FAF1: variants seen among roughly 807,000 people sequenced by gnomAD.
FAF1 encodes the protein FAS-associated factor 1.
FAF1 carries 25 observed loss-of-function variants against 92.5 expected under a neutral mutation model. The ratio of observed to expected loss-of-function variants is 0.27; its 90% CI spans 0.20 to 0.38. FAF1 has a LOEUF of 0.38. FAF1 is among the 10% of genes least tolerant of loss of function. The pLI is 1.00. For missense variants in FAF1, 636 were observed against 793.3 expected (o/e 0.80, Z 2.38); for synonymous variants, 234 against 273.2 (o/e 0.86, Z 1.42).
At chr1:50,500,134 C>G (rs1557971033) in intron 15 of FAF1, among the ~76,000 whole-genome samples, 1 of 151,952 alleles carries the variant, frequency 6.6e-6, no homozygotes, top group Non-Finnish European at 1.5e-5. Context: ...AAAATACCAC[C>G]AAAAATTTTT....
chr1:50,660,466 C>T (rs994312774), intron 7 of FAF1, among the ~76,000 whole-genome samples: 1 of 151,248 alleles, frequency 6.6e-6, no homozygotes, highest in African/African-American at 2.4e-5. Context: ...TAAGGTGTTG[C>T]GGCATACCTC....
chr1:50,518,148 G>A (rs1054643294), intron 15 of FAF1, among the ~76,000 whole-genome samples: 8 of 152,042 alleles, frequency 5.3e-5, no homozygotes, highest in East Asian at 1.9e-4. Context: ...TCTAGCAGCC[G>A]CTGACCAGTT....
intron 8 of FAF1, among the ~76,000 whole-genome samples, chr1:50,632,752 G>T (rs537668616): frequency 5.9e-5 from 9 of 152,182 alleles, no homozygotes; most frequent in Non-Finnish European, 7.4e-5. Flanking sequence ...CTCTCAAGGT[G>T]TCCCACACTT....
chr1:50,553,658 G>A (rs952388342), intron 13 of FAF1, among the ~76,000 whole-genome samples: 1 of 152,096 alleles, frequency 6.6e-6, no homozygotes, highest in Admixed American at 6.5e-5. Context: ...CTTTAGAAGG[G>A]GCTGGGTCTA....
chr1:50,687,201 T>C (rs1199674555), intron 7 of FAF1, among the ~76,000 whole-genome samples: 1 of 152,172 alleles, frequency 6.6e-6, no homozygotes, highest in Non-Finnish European at 1.5e-5. Context: ...TTCGGAATAA[T>C]TTTTTATTTT....
intron 1 of FAF1, among the ~76,000 whole-genome samples, chr1:50,879,682 A>G (rs1053907150): frequency 2.0e-5 from 3 of 152,162 alleles, no homozygotes; most frequent in African/African-American, 7.2e-5. Context: ...TGTGGTTCTC[A>G]AAGTGTTGTT....
intron 7 of FAF1, among the ~76,000 whole-genome samples, chr1:50,663,707 G>A (rs1241212361): frequency 6.6e-6 from 1 of 151,448 alleles, no homozygotes; most frequent in African/African-American, 2.4e-5. Context: ...CCGGCCAGAA[G>A]CACCGCTTTA....
chr1:50,818,823 C>T (rs1364697593), intron 2 of FAF1, among the ~76,000 whole-genome samples: 1 of 151,370 alleles, frequency 6.6e-6, no homozygotes, highest in Non-Finnish European at 1.5e-5. Flanking sequence ...GGCGACAGAG[C>T]GAGACTCCAT....
chr1:50,510,745 C>T (rs1024494996), intron 15 of FAF1, among the ~76,000 whole-genome samples: 4 of 151,894 alleles, frequency 2.6e-5, no homozygotes, highest in Non-Finnish European at 5.9e-5. Flanking sequence ...TTCTGAAATA[C>T]CAAATTTCAA....
intron 13 of FAF1, among the ~76,000 whole-genome samples, chr1:50,543,688 T>A (rs1648864224): frequency 6.6e-6 from 1 of 152,138 alleles, no homozygotes; most frequent in East Asian, 1.9e-4. Flanking sequence ...AGGCCAGCTC[T>A]ATGAGACTTT....
chr1:50,744,250 TA>T (rs762523606), intron 5 of FAF1, among the ~76,000 whole-genome samples: 25 of 152,206 alleles, frequency 1.6e-4, no homozygotes, highest in African/African-American at 5.5e-4. Flanking sequence ...TCTCCAAGTT[TA>T]AAAAATTTCC....
intron 1 of FAF1, among the ~76,000 whole-genome samples, chr1:50,865,492 G>A (rs1338248277): frequency 1.0e-4 from 15 of 144,276 alleles, no homozygotes; most frequent in Non-Finnish European, 2.3e-4. Context: ...TATACACCGT[G>A]GAATACTATG....
intron 6 of FAF1, among the ~76,000 whole-genome samples, chr1:50,724,318 C>T (rs1427035742): frequency 1.3e-5 from 2 of 150,374 alleles, no homozygotes; most frequent in East Asian, 1.9e-4. Context: ...CACACACACA[C>T]ACACACACAC....
At chr1:50,527,046 A>G (rs1367711689) in intron 15 of FAF1, among the ~76,000 whole-genome samples, 2 of 151,916 alleles carry the variant, frequency 1.3e-5, no homozygotes, top group East Asian at 3.9e-4. Flanking sequence ...AAGTAGAGAC[A>G]GGGTTTCGCT....
At position 50,584,828 on chromosome 1, in the gene FAF1, C is replaced by T. The variant is rs17106296; in HGVS notation, c.841-17G>A. 1,879 of 1,610,642 alleles carry T rather than the reference C, an allele frequency of 1.2e-3. 27 individuals carry two copies. The African/African-American group carries it at 0.022, about 19-fold the overall frequency. ...GGTGATTTGCTATTTAAGGAAAGTC[C>T]TGATTAGTTTCATATTGATTTTGGC... On this transcript the variant is annotated splice_polypyrimidine_tract_variant and intron_variant, in intron 9 of 18. Transcript: ENST00000396153.
intron 17 of FAF1, among the ~76,000 whole-genome samples, chr1:50,484,722 C>T (rs1646742882): frequency 6.6e-6 from 1 of 152,112 alleles, no homozygotes; most frequent in African/African-American, 2.4e-5. Flanking sequence ...TATGGTCCCA[C>T]CTTCATTCTT....
At chr1:50,643,737 C>A (rs1654452820) in intron 8 of FAF1, among the ~76,000 whole-genome samples, 1 of 152,154 alleles carries the variant, frequency 6.6e-6, no homozygotes, top group African/African-American at 2.4e-5. Flanking sequence ...GGATTACAAG[C>A]ATGCACCACC....
chr1:50,852,805 T>C (rs1644361520), intron 2 of FAF1, among the ~76,000 whole-genome samples: 1 of 152,112 alleles, frequency 6.6e-6, no homozygotes, highest in Non-Finnish European at 1.5e-5. Context: ...AGTGAAATAA[T>C]GTAAGTGTAT....
At chr1:50,729,057 TA>T (rs559620611) in intron 6 of FAF1, among the ~76,000 whole-genome samples, 1,681 of 80,168 alleles carry the variant, frequency 0.021, 23 homozygotes, top group African/African-American at 0.043. Flanking sequence ...TATATATATA[TA>T]TTTTTTTTTT....
Sources: allele counts gnomAD v4.1 joint callset (sites outside exome capture counted in the v4.1 genomes callset), GRCh38; gene constraint gnomAD v4.1.1; transcripts MANE v1.5; gene names NCBI Gene and HGNC (gene_info 2026-07-23, HGNC 2026-07-21).